Variants in ANO10 observed in about 807,000 individuals in gnomAD.
ANO10 encodes the protein anoctamin 10, also known as anoctamin-10.
ANO10 carries 77 observed loss-of-function variants against 74.7 expected under a neutral mutation model. That is an observed-to-expected ratio of 1.03 (90% CI 0.86 to 1.25). The LOEUF is 1.25. Among genes scored for constraint, ANO10 ranks in the 50% most tolerant of loss-of-function variants. The pLI, the probability that ANO10 is intolerant of heterozygous loss-of-function variation, is 0.00. For missense variants in ANO10, 721 were observed against 778.1 expected (o/e 0.93, Z 0.87); for synonymous variants, 279 against 284.9 (o/e 0.98, Z 0.21).
At chr3:43,496,408 C>G (rs17075743) in intron 11 of ANO10, among the ~76,000 whole-genome samples, 10,147 of 152,128 alleles carry the variant, frequency 0.067, 498 homozygotes, top group African/African-American at 0.12. Flanking sequence ...AAGCACAGAT[C>G]AGAAACCAAA....
At chr3:43,615,116 C>T (rs542069635) in intron 1 of ANO10, among the ~76,000 whole-genome samples, 1 of 151,998 alleles carries the variant, frequency 6.6e-6, no homozygotes, top group Non-Finnish European at 1.5e-5. Context: ...CACCAGCTAT[C>T]ATTTGCTAAT....
intron 11 of ANO10, among the ~76,000 whole-genome samples, chr3:43,462,106 C>T (rs1008585030): frequency 1.3e-5 from 2 of 152,184 alleles, no homozygotes; most frequent in African/African-American, 4.8e-5. Context: ...CATTTTGCCC[C>T]TGCCCTAGAA....
intron 11 of ANO10, among the ~76,000 whole-genome samples, chr3:43,443,650 A>G (rs1392947245): frequency 6.6e-6 from 1 of 151,498 alleles, no homozygotes; most frequent in Non-Finnish European, 1.5e-5. Context: ...TCAGTATGAA[A>G]GCATGAAAAG....
At chr3:43,630,963 T>C (rs1013750092) in intron 1 of ANO10, among the ~76,000 whole-genome samples, 3 of 151,664 alleles carry the variant, frequency 2.0e-5, no homozygotes, top group African/African-American at 7.3e-5. Flanking sequence ...TCACGTGAGC[T>C]ACCTGCAAGA....
At chr3:43,552,709 T>G (rs1393052417) in intron 10 of ANO10, among the ~76,000 whole-genome samples, 11 of 128,766 alleles carry the variant, frequency 8.5e-5, no homozygotes, top group African/African-American at 3.3e-4. Context: ...TATATATATA[T>G]ATATATATAT....
intron 11 of ANO10, among the ~76,000 whole-genome samples, chr3:43,455,262 G>C (rs1457558443): frequency 2.0e-5 from 3 of 152,088 alleles, no homozygotes; most frequent in Admixed American, 6.6e-5. Context: ...GAGAGAGAAT[G>C]ACCATGGAAA....
At chr3:43,565,589 T>A in intron 8 of ANO10, 64 bp downstream of exon 8, 1 of 1,237,778 alleles carries the variant, frequency 8.1e-7, no homozygotes, top group Non-Finnish European at 1.1e-6. Context: ...AATTACAGCA[T>A]CTAAAGATAG....
intron 11 of ANO10, among the ~76,000 whole-genome samples, chr3:43,467,589 A>T (rs1010776729): frequency 2.0e-5 from 3 of 152,210 alleles, no homozygotes; most frequent in African/African-American, 7.2e-5. Context: ...TGTGCTGGGG[A>T]GTAGAAGGGA....
intron 8 of ANO10, among the ~76,000 whole-genome samples, chr3:43,561,891 G>A (rs575238349): frequency 2.6e-4 from 40 of 152,146 alleles, no homozygotes; most frequent in African/African-American, 8.9e-4. Flanking sequence ...TGTGTTCTTC[G>A]ACATTTCATC....
intron 11 of ANO10, among the ~76,000 whole-genome samples, chr3:43,524,346 A>G (rs2078096736): frequency 6.6e-6 from 1 of 152,272 alleles, no homozygotes; most frequent in African/African-American, 2.4e-5. Context: ...CAAGTTTCCA[A>G]CTCAATTCCT....
chr3:43,625,329 C>G (rs2083481880), upstream of ANO10, among the ~76,000 whole-genome samples: 1 of 152,184 alleles, frequency 6.6e-6, no homozygotes, highest in Non-Finnish European at 1.5e-5. Context: ...CAGATCAAAG[C>G]CAAGAGGTAA....
intron 4 of ANO10, among the ~76,000 whole-genome samples, chr3:43,584,823 G>T (rs2081406239): frequency 6.6e-6 from 1 of 152,112 alleles, no homozygotes; most frequent in Non-Finnish European, 1.5e-5. Flanking sequence ...TTACACGCGT[G>T]TGTAAAATGA....
chr3:43,481,354 G>GT (rs1028966290), intron 11 of ANO10, among the ~76,000 whole-genome samples: 7 of 152,108 alleles, frequency 4.6e-5, no homozygotes, highest in African/African-American at 1.4e-4. Flanking sequence ...GTAAAATGTA[G>GT]TTTTTAAATT....
chr3:43,435,219 G>A (rs1461387706), intron 11 of ANO10, among the ~76,000 whole-genome samples: 1 of 152,160 alleles, frequency 6.6e-6, no homozygotes, highest in Non-Finnish European at 1.5e-5. Flanking sequence ...AAGAAGCTGG[G>A]CAAAGTGGGC....
intron 12 of ANO10, among the ~76,000 whole-genome samples, chr3:43,404,187 TG>T (rs2092533866): frequency 6.6e-6 from 1 of 152,198 alleles, no homozygotes; most frequent in African/African-American, 2.4e-5. Flanking sequence ...CCAGAGACTC[TG>T]AGCAGAGAGA....
upstream of ANO10, among the ~76,000 whole-genome samples, chr3:43,624,559 C>G (rs1289141993): frequency 6.6e-6 from 1 of 152,172 alleles, no homozygotes; most frequent in Non-Finnish European, 1.5e-5. Flanking sequence ...GCCTGCTCCC[C>G]CTTTGCTGTC....
At chr3:43,641,481 C>T (rs2083669514) in intron 1 of ANO10, among the ~76,000 whole-genome samples, 1 of 152,182 alleles carries the variant, frequency 6.6e-6, no homozygotes, top group Non-Finnish European at 1.5e-5. Context: ...TTTCCCAACT[C>T]CCAAGCAAAG....
At chr3:43,539,147 C>T (rs1001395560) in intron 11 of ANO10, among the ~76,000 whole-genome samples, 1 of 152,166 alleles carries the variant, frequency 6.6e-6, no homozygotes, top group Non-Finnish European at 1.5e-5. Flanking sequence ...TTTCACCCCT[C>T]CTGCTCCCTC....
intron 12 of ANO10, among the ~76,000 whole-genome samples, chr3:43,404,797 C>A (rs1022231106): frequency 7.3e-6 from 1 of 137,342 alleles, no homozygotes; most frequent in African/African-American, 2.8e-5. Flanking sequence ...GATGGAAGAT[C>A]ATTTGAGCCC....
Sources: allele counts gnomAD v4.1 joint callset (sites outside exome capture counted in the v4.1 genomes callset), GRCh38; gene constraint gnomAD v4.1.1; transcripts MANE v1.5; gene names NCBI Gene and HGNC (gene_info 2026-07-23, HGNC 2026-07-21).